The following ZNF875 variants were observed in gnomAD, a reference collection of about 807,000 sequenced individuals.
ZNF875 encodes the protein zinc finger protein 875, also known as HKR1, GLI-Kruppel zinc finger family member.
Under a neutral mutation model 11.2 loss-of-function variants are expected in ZNF875, and 14 were observed. That is an observed-to-expected ratio of 1.26 (90% CI 0.83 to 1.96). The LOEUF (loss-of-function observed/expected upper bound fraction) is 1.96. ZNF875 is among the 30% of genes most tolerant of loss of function. The pLI is 0.00. For synonymous variants in ZNF875, 301 were observed against 281.1 expected (o/e 1.07, Z -0.71); for missense variants, 752 against 760.4 (o/e 0.99, Z 0.13).
At chr19:37,331,148 C>G (rs1229859472), upstream of ZNF875, among the ~76,000 whole-genome samples, 1 of 134,176 alleles carries the variant, frequency 7.5e-6, no homozygotes, top group Non-Finnish European at 1.5e-5. Context: ...GATGGCACCA[C>G]TGCACTCCAG....
upstream of ZNF875, among the ~76,000 whole-genome samples, chr19:37,332,666 A>G (rs1203095208): frequency 6.6e-6 from 1 of 152,170 alleles, no homozygotes; most frequent in South Asian, 2.1e-4. Flanking sequence ...TTAACTCATC[A>G]GTGACACAGT....
chr19:37,333,624 C>T (rs1488275314), upstream of ZNF875, among the ~76,000 whole-genome samples: 2 of 151,834 alleles, frequency 1.3e-5, no homozygotes, highest in Non-Finnish European at 2.9e-5. Context: ...GGGATGGTTA[C>T]GAGGAAATTG....
chr19:37,338,276 C>T (rs777749939), intron 2 of ZNF875, among the ~76,000 whole-genome samples: 2 of 152,168 alleles, frequency 1.3e-5, no homozygotes, highest in Non-Finnish European at 2.9e-5. Flanking sequence ...GTGCATGCCA[C>T]CACGCCCGGC....
chr19:37,330,182 ATGT>A (rs1353940761), upstream of ZNF875, among the ~76,000 whole-genome samples: 9 of 152,186 alleles, frequency 5.9e-5, no homozygotes, highest in African/African-American at 2.2e-4. Context: ...GTACAAAATG[ATGT>A]TATGATTTTT....
At chr19:37,344,579 A>G in intron 2 of ZNF875, 1 of 936,718 alleles carries the variant, frequency 1.1e-6, no homozygotes, top group South Asian at 1.3e-5. Context: ...CCTGTTGGTT[A>G]CCATTCATTT....
At chr19:37,353,229 G>T (rs1260649276) in intron 4 of ZNF875, among the ~76,000 whole-genome samples, 1 of 152,068 alleles carries the variant, frequency 6.6e-6, no homozygotes, top group Non-Finnish European at 1.5e-5. Context: ...TATCTGCCTT[G>T]TGTGTGTTCA....
At chr19:37,328,493 A>G (rs1184522791) in intron 4 of ZNF875, 1 of 152,182 alleles carries the variant, frequency 6.6e-6, no homozygotes, top group Non-Finnish European at 1.5e-5. Flanking sequence ...GGTTCCTGAT[A>G]AAAGGATGAG....
rs2040437287 is a variant in ZNF875 at position 37,364,180 on chromosome 19, A to G, written c.*405A>G. The G allele has an allele frequency of 1.0e-5, 2 of 197,546 alleles. No homozygotes were observed. Among genetic ancestry groups the G allele is most frequent in the African/African-American group, 2.4e-5 (1 of 42,548 alleles). 12.2% of individuals were successfully genotyped at this position (197,546 alleles called of 1,614,324 possible). ...TTCCCATTTGGTGTGCTTTCCTCCG[A>G]TTGATCCCAACCCTTCACCTATTTT... On this transcript the variant is annotated 3_prime_UTR_variant, in exon 5 of 5. Transcript: ENST00000392153.
In ZNF875 at chr19:37,362,736, C is replaced by T. The variant is rs1271876536; in HGVS notation, c.884C>T (p.Ser295Leu). The change falls in exon 5 of 5, where the codon TCA becomes TTA. Residue 295 changes from serine (S) to leucine (L), a missense_variant. Coordinates refer to ENST00000392153, the MANE Select transcript of ZNF875 (RefSeq NM_001353803.2). ...TGTGGGCGAGGCTTTACGTGGAAGT[C>T]AAACCTGATCACACATCAGAGGACA... is the stretch of plus-strand genomic sequence containing the variant. ...RECGRGFTWK[S>L]NLITHQRTHS... 1 of 1,613,390 alleles carries T rather than the reference C, an allele frequency of 6.2e-7. No homozygotes were observed. Among genetic ancestry groups the T allele is most frequent in the Non-Finnish European group, 8.5e-7 (1 of 1,179,710 alleles).
chr19:37,338,908 A>C (rs2035084631), intron 2 of ZNF875, among the ~76,000 whole-genome samples: 2 of 152,222 alleles, frequency 1.3e-5, no homozygotes, highest in Admixed American at 1.3e-4. Context: ...ATCTTAGGAC[A>C]TTAGGTATTA....
intron 2 of ZNF875, 138 bp downstream of exon 2, chr19:37,335,395 G>A: frequency 1.8e-6 from 1 of 562,322 alleles, no homozygotes; most frequent in Non-Finnish European, 3.2e-6. Context: ...GAACAAGGAG[G>A]ATTTTGATAT....
At chr19:37,328,175 C>A (rs2032823403) in intron 4 of ZNF875, among the ~76,000 whole-genome samples, 2 of 151,568 alleles carry the variant, frequency 1.3e-5, no homozygotes, top group Admixed American at 6.6e-5. Context: ...GGAGGTGGAG[C>A]CTGCAGTAAG....
At chr19:37,329,539 A>T (rs2033061896) in intron 4 of ZNF875, among the ~76,000 whole-genome samples, 1 of 152,180 alleles carries the variant, frequency 6.6e-6, no homozygotes, top group Non-Finnish European at 1.5e-5. Flanking sequence ...CATGCAGATA[A>T]ATGTTTATGT....
rs771594404 is a variant in ZNF875, at chr19:37,362,775, A to G, written c.923A>G (p.Lys308Arg). The part of the protein sequence containing the change: ...ITHQRTHSGE[K>R]PYVCKDCGRG... ...CATCAGAGGACACACTCAGGGGAGA[A>G]ACCTTATGTGTGCAAGGATTGTGGA... is the stretch of plus-strand genomic sequence containing the variant. Residue 308 changes from lysine to arginine, a missense_variant, in exon 5 of 5, where the codon AAA becomes AGA. Coordinates refer to ENST00000392153, the MANE Select transcript of ZNF875 (RefSeq NM_001353803.2). 1 of 1,613,930 alleles carries G rather than the reference A, an allele frequency of 6.2e-7. No individual in the cohort carries two copies. The highest frequency in any genetic ancestry group is 8.5e-7 in the Non-Finnish European group (1 of 1,179,918).
chr19:37,335,665 A>G (rs996532325), intron 2 of ZNF875, among the ~76,000 whole-genome samples: 1 of 152,168 alleles, frequency 6.6e-6, no homozygotes, highest in African/African-American at 2.4e-5. Flanking sequence ...TCGCAATTGC[A>G]AGACTGCATC....
intron 4 of ZNF875, among the ~76,000 whole-genome samples, chr19:37,324,448 G>T (rs1226182176): frequency 1.3e-5 from 2 of 152,106 alleles, no homozygotes; most frequent in Non-Finnish European, 1.5e-5. Context: ...TTACTGCCAG[G>T]TTTCAACTGC....
intron 2 of ZNF875, chr19:37,337,125 G>A (rs2034633404): frequency 6.6e-6 from 1 of 151,570 alleles, no homozygotes; most frequent in Non-Finnish European, 1.5e-5. Context: ...GACAATTTGA[G>A]CTGAACAACG....
At chr19:37,313,792 T>G (rs2030064739), upstream of ZNF875, among the ~76,000 whole-genome samples, 1 of 152,104 alleles carries the variant, frequency 6.6e-6, no homozygotes, top group Non-Finnish European at 1.5e-5. Flanking sequence ...TTAGGTAAAC[T>G]TTAGCATTTT....
At chr19:37,346,889 GT>G (rs2036881220) in intron 2 of ZNF875, 1 of 258,466 alleles carries the variant, frequency 3.9e-6, no homozygotes, top group African/African-American at 2.4e-5. Context: ...TTGAGACAGA[GT>G]TTTGCTCTTG....
Sources: gnomAD v4.1 joint callset for allele counts (sites outside exome capture counted in the v4.1 genomes callset) on GRCh38, gnomAD v4.1.1 for gene constraint, MANE v1.5 for transcripts, NCBI Gene and HGNC (gene_info 2026-07-23, HGNC 2026-07-21) for gene names.